Variants in SETBP1 observed in about 807,000 individuals in gnomAD.
The protein encoded by SETBP1 is SET binding protein 1, also known as SET-binding protein.
SETBP1 carries 9 observed loss-of-function variants against 101.0 expected under a neutral mutation model. The ratio of observed to expected loss-of-function variants is 0.09; its 90% CI spans 0.05 to 0.16. SETBP1 has a LOEUF of 0.16. SETBP1 is among the 10% of genes least tolerant of loss of function. SETBP1 has a pLI of 1.00. For synonymous variants in SETBP1, 818 were observed against 788.5 expected (o/e 1.04, Z -0.63); for missense variants, 1,858 against 2,033.8 (o/e 0.91, Z 1.66).
intron 2 of SETBP1, among the ~76,000 whole-genome samples, chr18:44,802,886 TG>T (rs1347798216): frequency 1.3e-5 from 2 of 152,146 alleles, no homozygotes; most frequent in African/African-American, 4.8e-5. Context: ...CCAAGCTTTT[TG>T]TTTGTTTTTT....
intron 3 of SETBP1, among the ~76,000 whole-genome samples, chr18:44,920,926 C>A (rs2070566423): frequency 6.6e-6 from 1 of 152,182 alleles, no homozygotes; most frequent in South Asian, 2.1e-4. Context: ...GTTCTCACAT[C>A]TACTAAAATA....
chr18:44,820,715 G>A (rs1476507486), intron 2 of SETBP1, among the ~76,000 whole-genome samples: 1 of 152,162 alleles, frequency 6.6e-6, no homozygotes, highest in Non-Finnish European at 1.5e-5. Flanking sequence ...GTTCCACAAT[G>A]GGCAGAGATC....
intron 5 of SETBP1, among the ~76,000 whole-genome samples, chr18:45,049,472 C>A (rs1474757054): frequency 6.6e-6 from 1 of 152,112 alleles, no homozygotes; most frequent in Non-Finnish European, 1.5e-5. Flanking sequence ...AAAAAATTAG[C>A]CATTTATGAA....
chr18:45,007,856 C>G (rs571687093), intron 4 of SETBP1, among the ~76,000 whole-genome samples: 1 of 152,246 alleles, frequency 6.6e-6, no homozygotes, highest in East Asian at 1.9e-4. Flanking sequence ...AGGGCTGACC[C>G]ACCTCAGGTC....
intron 4 of SETBP1, among the ~76,000 whole-genome samples, chr18:45,038,215 A>G (rs2073437336): frequency 2.0e-5 from 3 of 152,182 alleles, no homozygotes; most frequent in Admixed American, 2.0e-4. Context: ...GGGGCACCTG[A>G]TGGATTATTC....
In SETBP1 at chr18:44,758,384, A is replaced by ATT. The variant is rs35307959; in HGVS notation, c.486+56567_486+56568dup. Among the ~76,000 whole-genome samples the ATT allele has an allele frequency of 5.4e-4, 78 of 145,378 alleles. 1 individual carries two copies. The highest frequency in any genetic ancestry group is 1.3e-3 in the African/African-American group (51 of 39,580). ...CTCCAGAAGTCACAGAGCTGAAAGA[A>ATT]TTTTTTTTTTTTTTTTGAGACGGAG... On this transcript the variant is annotated intron_variant, in intron 2 of 5. Transcript: ENST00000649279.
At chr18:44,970,550 G>T (rs2071822676) in intron 4 of SETBP1, among the ~76,000 whole-genome samples, 1 of 151,964 alleles carries the variant, frequency 6.6e-6, no homozygotes, top group African/African-American at 2.4e-5. Context: ...AATTACAAAT[G>T]CACAGGCCTT....
chr18:44,713,081 C>A (rs181640999), intron 2 of SETBP1, among the ~76,000 whole-genome samples: 1 of 151,884 alleles, frequency 6.6e-6, no homozygotes, highest in African/African-American at 2.4e-5. Context: ...GCCTCAGCCT[C>A]CCAAGCAGCT....
At chr18:45,062,535 C>T in intron 5 of SETBP1, among the ~76,000 whole-genome samples, 1 of 152,306 alleles carries the variant, frequency 6.6e-6, no homozygotes, top group East Asian at 1.9e-4. Flanking sequence ...ATATTCTTAT[C>T]CTTGATCAGG....
rs757919239 is a variant in SETBP1, at chr18:44,921,784, C to T, written c.541-28097C>T. ...ATGAGTATCGTGGGGGCCCAGGGGACGGAGGGATAAATGTCAGCATGAAGC... is the reference window on the plus strand; with the variant it reads ...ATGAGTATCGTGGGGGCCCAGGGGATGGAGGGATAAATGTCAGCATGAAGC... On this transcript the variant is annotated intron_variant, in intron 3 of 5. Transcript: ENST00000649279. Among the ~76,000 whole-genome samples, 7 of 152,048 alleles carry T rather than the reference C, an allele frequency of 4.6e-5. No homozygotes were observed. In the East Asian group the frequency reaches 5.8e-4, roughly 13 times the overall value.
At chr18:44,692,668 C>CGT (rs2068954375) in intron 1 of SETBP1, among the ~76,000 whole-genome samples, 1 of 152,060 alleles carries the variant, frequency 6.6e-6, no homozygotes, top group African/African-American at 2.4e-5. Flanking sequence ...CAAGACCGTG[C>CGT]GTGTGTGTGT....
At position 45,045,125 on chromosome 18, in the gene SETBP1, A is replaced by T. The variant is rs1209601038; in HGVS notation, c.4171+6470A>T. ...GGTGAAACCCCGTCTTTACTAAAAA[A>T]AAAAATAAAAAAATACAGGCCAGGC... On this transcript the variant is annotated intron_variant, in intron 5 of 5. Transcript: ENST00000649279. Among the ~76,000 whole-genome samples, 8 of 152,062 alleles carry T rather than the reference A, an allele frequency of 5.3e-5. No individual in the cohort carries two copies. The South Asian group carries it at 6.2e-4, about 12-fold the overall frequency.
chr18:44,790,213 C>T (rs2071341534), intron 2 of SETBP1, among the ~76,000 whole-genome samples: 1 of 152,002 alleles, frequency 6.6e-6, no homozygotes, highest in South Asian at 2.1e-4. Flanking sequence ...TTTGGCCCAA[C>T]TTAAAAAATA....
intron 2 of SETBP1, among the ~76,000 whole-genome samples, chr18:44,739,121 T>C (rs2070043871): frequency 1.3e-5 from 2 of 152,222 alleles, no homozygotes; most frequent in Non-Finnish European, 2.9e-5. Context: ...TGGTTCTACC[T>C]ATTCTGTTTG....
intron 2 of SETBP1, among the ~76,000 whole-genome samples, chr18:44,758,384 A>AT (rs35307959): frequency 0.2 from 28,619 of 145,308 alleles, 2,992 homozygotes; most frequent in Non-Finnish European, 0.24. Flanking sequence ...AGCTGAAAGA[A>AT]TTTTTTTTTT....
At chr18:44,795,437 G>A (rs2071455196) in intron 2 of SETBP1, among the ~76,000 whole-genome samples, 1 of 152,200 alleles carries the variant, frequency 6.6e-6, no homozygotes. Context: ...TAGAGTGGGA[G>A]TGATTGAGCG....
intron 3 of SETBP1, among the ~76,000 whole-genome samples, chr18:44,903,081 G>A (rs926347350): frequency 6.6e-5 from 10 of 152,024 alleles, no homozygotes; most frequent in African/African-American, 1.5e-4. Context: ...CCACTGCTAC[G>A]TACTTCAGTG....
At chr18:44,883,144 T>G (rs1173595152) in intron 3 of SETBP1, among the ~76,000 whole-genome samples, 2 of 152,188 alleles carry the variant, frequency 1.3e-5, no homozygotes, top group African/African-American at 2.4e-5. Context: ...TATTCAGTGA[T>G]TTATCTCTTT....
chr18:44,948,967 G>C (rs1322918223), intron 3 of SETBP1, among the ~76,000 whole-genome samples: 1 of 150,426 alleles, frequency 6.6e-6, no homozygotes, highest in Non-Finnish European at 1.5e-5. Flanking sequence ...GTTTGGAGGA[G>C]TGATCTTGAA....
Sources: allele counts gnomAD v4.1 joint callset (sites outside exome capture counted in the v4.1 genomes callset), GRCh38; gene constraint gnomAD v4.1.1; transcripts MANE v1.5; gene names NCBI Gene and HGNC (gene_info 2026-07-23, HGNC 2026-07-21).